The following TBC1D19 variants were observed in gnomAD, a reference collection of about 807,000 sequenced individuals.
The protein encoded by TBC1D19 is TBC1 domain family, member 19.
In TBC1D19, 60 loss-of-function variants were observed where a neutral mutation model predicts 89.0. The ratio of observed to expected loss-of-function variants is 0.67; its 90% confidence interval spans 0.55 to 0.84. The LOEUF (loss-of-function observed/expected upper bound fraction) is 0.84. Ranked by LOEUF, TBC1D19 falls within the 40% of genes least tolerant of loss-of-function variation. The pLI is 0.00. For missense variants in TBC1D19, 500 were observed against 610.8 expected (o/e 0.82, Z 1.91); for synonymous variants, 189 against 199.7 (o/e 0.95, Z 0.45).
intron 1 of TBC1D19, among the ~76,000 whole-genome samples, chr4:26,588,534 C>G (rs1317665877): frequency 6.6e-6 from 1 of 151,534 alleles, no homozygotes; most frequent in Non-Finnish European, 1.5e-5. Flanking sequence ...CCTTTATTCT[C>G]TTCTAATTAA....
At chr4:26,761,961 T>C in the TBC1D19 span, among the ~76,000 whole-genome samples, 5 of 152,074 alleles carry the variant, frequency 3.3e-5, no homozygotes, top group Admixed American at 1.3e-4. Context: ...ACCCCGTCTC[T>C]ACTAAAAGTA....
At chr4:26,779,761 C>G in the TBC1D19 span, among the ~76,000 whole-genome samples, 1 of 152,178 alleles carries the variant, frequency 6.6e-6, no homozygotes, top group Admixed American at 6.5e-5. Flanking sequence ...TCATGACACA[C>G]AATATGTGGT....
chr4:26,681,558 AT>A (rs1310533733), intron 11 of TBC1D19, among the ~76,000 whole-genome samples: 1 of 150,382 alleles, frequency 6.6e-6, no homozygotes, highest in African/African-American at 2.5e-5. Flanking sequence ...CTCAAAAAAA[AT>A]ATATATATAT....
At chr4:26,610,035 T>C (rs1741260828) in intron 1 of TBC1D19, among the ~76,000 whole-genome samples, 1 of 152,020 alleles carries the variant, frequency 6.6e-6, no homozygotes. Flanking sequence ...TAAGGGAGTT[T>C]TGAGAGTGCC....
chr4:26,661,128 C>T (rs1017695644), intron 8 of TBC1D19, among the ~76,000 whole-genome samples: 2 of 152,118 alleles, frequency 1.3e-5, no homozygotes, highest in African/African-American at 2.4e-5. Flanking sequence ...ACCATGCCTA[C>T]TCAGATGACT....
chr4:26,640,264 G>A, intron 7 of TBC1D19, 77 bp downstream of exon 7: 2 of 1,219,334 alleles, frequency 1.6e-6, no homozygotes, highest in Non-Finnish European at 1.2e-6. Flanking sequence ...AATATATCAA[G>A]GCAGAGGGAT....
intron 19 of TBC1D19, among the ~76,000 whole-genome samples, chr4:26,752,243 CTTTT>C (rs758735137): frequency 3.9e-5 from 5 of 128,890 alleles, no homozygotes; most frequent in Non-Finnish European, 3.3e-5. Flanking sequence ...ATATTTCTTT[CTTTT>C]TTTTTTTTTT....
downstream of TBC1D19, among the ~76,000 whole-genome samples, chr4:26,756,965 T>G (rs1465878535): frequency 6.6e-6 from 1 of 151,998 alleles, no homozygotes; most frequent in African/African-American, 2.4e-5. Flanking sequence ...GCTGTGCTCT[T>G]GGCTGCTTGT....
At position 26,735,463 on chromosome 4, in the gene TBC1D19, C is replaced by A; in HGVS notation, c.1093C>A (p.Pro365Thr). 2 of 1,556,780 alleles carry A rather than the reference C, an allele frequency of 1.3e-6. No homozygotes were observed. The highest frequency in any genetic ancestry group is 1.4e-5 in the African/African-American group (1 of 72,652). ...TACCTTTTTTTTTTTAGGTGTTATC[C>A]CTTTTCATGGATTTTCAATGTATGG... ...AVFYPPNGVIPFHGFSMYVAP... is the reference protein window; with the variant it reads ...AVFYPPNGVITFHGFSMYVAP... The change falls in exon 16 of 21, where the codon CCT becomes ACT. Residue 365 changes from proline to threonine, a missense_variant. Around this residue, in one of 2 missense-constraint regions of TBC1D19, gnomAD observed 220 missense variants for 319.1 expected, o/e 0.69. Transcript: ENST00000264866.
At chr4:26,597,098 G>T (rs187185403) in intron 1 of TBC1D19, among the ~76,000 whole-genome samples, 258 of 152,228 alleles carry the variant, frequency 1.7e-3, no homozygotes, top group African/African-American at 6.0e-3. Flanking sequence ...AAATTATGCT[G>T]TTCAGCTCTT....
At chr4:26,672,257 A>G in intron 10 of TBC1D19, 70 bp downstream of exon 10, 1 of 1,192,392 alleles carries the variant, frequency 8.4e-7, no homozygotes, top group Non-Finnish European at 1.1e-6. Flanking sequence ...TCTGCCTCAG[A>G]TAACCTCCAG....
At chr4:26,591,734 C>G (rs1040460387) in intron 1 of TBC1D19, among the ~76,000 whole-genome samples, 5 of 152,196 alleles carry the variant, frequency 3.3e-5, no homozygotes, top group Non-Finnish European at 5.9e-5. Flanking sequence ...ACTAGAAAAT[C>G]TGGAAGAAAT....
chr4:26,579,756 G>A (rs918315999), upstream of TBC1D19, among the ~76,000 whole-genome samples: 4 of 145,858 alleles, frequency 2.7e-5, no homozygotes, highest in Admixed American at 6.7e-5. Flanking sequence ...AAGAACATAC[G>A]GTGTTTGGTT....
chr4:26,779,204 C>G, the TBC1D19 span, among the ~76,000 whole-genome samples: 1 of 152,202 alleles, frequency 6.6e-6, no homozygotes. Context: ...TTAAATGAAA[C>G]TACCGGAAGC....
chr4:26,800,736 T>G, the TBC1D19 span, among the ~76,000 whole-genome samples: 1 of 152,238 alleles, frequency 6.6e-6, no homozygotes, highest in Non-Finnish European at 1.5e-5. Flanking sequence ...TGGTTTTGAT[T>G]TGCATTTCTC....
chr4:26,777,704 C>G, the TBC1D19 span, among the ~76,000 whole-genome samples: 1 of 152,132 alleles, frequency 6.6e-6, no homozygotes, highest in African/African-American at 2.4e-5. Context: ...CAGGCTCGGC[C>G]TCCCAAAGTG....
the TBC1D19 span, among the ~76,000 whole-genome samples, chr4:26,819,738 A>C: frequency 3.3e-5 from 5 of 152,180 alleles, no homozygotes; most frequent in Non-Finnish European, 7.3e-5. Context: ...ACTGTGGCTC[A>C]TGAGGCCCTA....
intron 3 of TBC1D19, among the ~76,000 whole-genome samples, chr4:26,615,996 T>C (rs1012355360): frequency 2.6e-5 from 4 of 152,180 alleles, no homozygotes; most frequent in African/African-American, 9.7e-5. Flanking sequence ...TTCATTATCA[T>C]ATTGTTGGCA....
chr4:26,584,562 T>C (rs528627148), intron 1 of TBC1D19, among the ~76,000 whole-genome samples: 2 of 152,286 alleles, frequency 1.3e-5, no homozygotes, highest in Admixed American at 6.5e-5. Flanking sequence ...GCATCACACC[T>C]TTTTTTCAGA....
Sources: gnomAD v4.1 joint callset for allele counts (sites outside exome capture counted in the v4.1 genomes callset) on GRCh38, gnomAD v4.1.1 for gene constraint, gnomAD v4.1.1 regional missense constraint, MANE v1.5 for transcripts, NCBI Gene and HGNC (gene_info 2026-07-23, HGNC 2026-07-21) for gene names.